Variants in MTOR observed in about 807,000 individuals in gnomAD.
MTOR encodes mechanistic target of rapamycin kinase.
In MTOR, 70 loss-of-function variants were observed where a neutral mutation model predicts 319.8. The ratio of observed to expected loss-of-function variants is 0.22; its 90% confidence interval spans 0.18 to 0.27. The LOEUF is 0.27. MTOR is among the 10% of genes least tolerant of loss of function. The probability of loss-of-function intolerance (pLI) is 1.00; values close to 1 mark genes in which losing one functional copy is unlikely to be tolerated. For missense variants in MTOR, 1,890 were observed against 3,274.4 expected, an observed-to-expected ratio of 0.58 and a Z score of 10.32; for synonymous variants, 1,183 against 1,211.4, an observed-to-expected ratio of 0.98 and a Z score of 0.49.
Position 11,199,194 on chromosome 1 carries a change from A to T in MTOR, c.4253+64T>A. Reference sequence around the variant, plus strand: ...CAAGTGACTCCAGTGAAGTGGCACCAGGCAGTGGGAGAAGAGAGGTCATTT... The same window carrying T: ...CAAGTGACTCCAGTGAAGTGGCACCTGGCAGTGGGAGAAGAGAGGTCATTT... On this transcript the variant is annotated intron_variant, in intron 28 of 57. Transcript: ENST00000361445. The surrounding 1 kb of genome is among the most constrained non-coding windows in gnomAD (Gnocchi z 4.5). 6.2e-7 allele frequency: 1 copy of T among 1,605,218 alleles called. No homozygotes were observed. Among genetic ancestry groups the T allele is most frequent in the African/African-American group, 1.3e-5 (1 of 74,836 alleles).
At position 11,197,168 on chromosome 1, in the gene MTOR, G is replaced by A. The variant is rs537541760; in HGVS notation, c.4253+2090C>T. On this transcript the variant is annotated intron_variant, in intron 28 of 57. Transcript: ENST00000361445. Reference sequence around the variant, plus strand: ...GGAATTCAATCCCTTACTGCAAAGCGATGTCTCCAAGGCCAGATCCAAGTA... The same window carrying A: ...GGAATTCAATCCCTTACTGCAAAGCAATGTCTCCAAGGCCAGATCCAAGTA... Among the ~76,000 whole-genome samples the A allele has an allele frequency of 5.9e-5, 9 of 152,248 alleles. No homozygotes were observed. In the East Asian group the frequency reaches 1.4e-3, roughly 23 times the overall value.
chr1:11,165,731 T>C (rs887543085), intron 29 of MTOR, among the ~76,000 whole-genome samples: 7 of 152,044 alleles, frequency 4.6e-5, no homozygotes, highest in Admixed American at 1.3e-4. Flanking sequence ...CTTCACAGAA[T>C]TGGAAAAAAC....
intron 29 of MTOR, among the ~76,000 whole-genome samples, chr1:11,161,326 C>T (rs950034084): frequency 2.0e-5 from 3 of 152,212 alleles, no homozygotes; most frequent in Admixed American, 1.3e-4. Flanking sequence ...CTCAAGGAGG[C>T]CTGCCTGCCT....
chr1:11,182,610 A>T (rs1645195037), intron 28 of MTOR, among the ~76,000 whole-genome samples: 1 of 152,198 alleles, frequency 6.6e-6, no homozygotes, highest in South Asian at 2.1e-4. Flanking sequence ...ACAGAACACA[A>T]CCAGCTGCCA....
intron 29 of MTOR, among the ~76,000 whole-genome samples, chr1:11,164,203 C>T (rs552371187): frequency 6.6e-5 from 10 of 151,690 alleles, no homozygotes; most frequent in Middle Eastern, 3.4e-3. Flanking sequence ...GGCTTGGTGG[C>T]GGGCGCCTGT....
At chr1:11,166,646 G>A (rs1418680877) in intron 29 of MTOR, among the ~76,000 whole-genome samples, 1 of 152,158 alleles carries the variant, frequency 6.6e-6, no homozygotes, top group Non-Finnish European at 1.5e-5. Context: ...ACTGTTGGTG[G>A]GACTGTAAAC....
Position 11,228,722 on chromosome 1 carries a change from C to G in MTOR, c.2976G>C (p.Gln992His), listed in dbSNP as rs368954451. Residue 992 changes from glutamine to histidine, a missense_variant, in exon 19 of 58, where the codon CAG becomes CAC. Physicochemically the swap from Gln to His is conservative, Grantham distance 24 (BLOSUM62 0). Around this residue, in one of 15 missense-constraint regions of MTOR, gnomAD observed 377 missense variants for 653.9 expected, o/e 0.58. Transcript: ENST00000361445. ...LGLKCVQFLP[Q>H]VMPTFLNVIR... is the part of the protein sequence containing the mutation. ...TGACGTTAAGGAACGTGGGCATGAC[C>G]TGGGGCAGGAACTGCACACATTTGA... 1.1e-5 allele frequency: 18 copies of G among 1,613,996 alleles called. No homozygotes were observed. Among genetic ancestry groups the G allele is most frequent in the Non-Finnish European group, 1.4e-5 (17 of 1,180,006 alleles).
intron 32 of MTOR, 140 bp downstream of exon 32, chr1:11,146,536 T>C (rs750578793): frequency 1.2e-4 from 78 of 670,382 alleles, no homozygotes; most frequent in Non-Finnish European, 1.9e-4. Flanking sequence ...GTACAATGAA[T>C]CAAAACCATT....
At chr1:11,248,906 T>C (rs1219861561) in intron 6 of MTOR, among the ~76,000 whole-genome samples, 1 of 152,156 alleles carries the variant, frequency 6.6e-6, no homozygotes, top group Non-Finnish European at 1.5e-5. Context: ...AACTCATGTC[T>C]ATTACCTTTA....
rs1036759003 is a variant in MTOR at position 11,213,404 on chromosome 1, T to C, written c.3280A>G (p.Ile1094Val). ...GGATGACGTAGGCTACTCACCTTGA[T>C]AGAGACAATGCGGCCTGGGCTGTTG... is the stretch of plus-strand genomic sequence containing the variant. ...HDNSPGRIVS[I>V]KLLAAIQLFG... Residue 1094 changes from isoleucine (I) to valine (V), a missense_variant, in exon 21 of 58, where the codon ATC becomes GTC. Physicochemically the swap from Ile to Val is conservative, Grantham distance 29 (BLOSUM62 3). Around this residue, in one of 15 missense-constraint regions of MTOR, gnomAD observed 377 missense variants for 653.9 expected, o/e 0.58. Coordinates refer to ENST00000361445, the MANE Select transcript of MTOR (RefSeq NM_004958.4). 2.5e-6 allele frequency: 4 copies of C among 1,611,882 alleles called. No individual in the cohort carries two copies. The highest frequency in any genetic ancestry group is 2.2e-5 in the East Asian group (1 of 44,856).
chr1:11,240,347 C>T lies in MTOR; in HGVS notation c.1742G>A (p.Ser581Asn), dbSNP rs1060501910. The change falls in exon 11 of 58, where the codon AGC (serine) becomes AAC (asparagine). Residue 581 changes from serine to asparagine, a missense_variant. Physicochemically the swap from Ser to Asn is conservative, Grantham distance 46. Transcript: ENST00000361445. ...AAGCGTTCGGAGGGCAAGAGTGATG[C>T]TGCCCACATCGCTGGCCTCAGGGAG... is the stretch of plus-strand genomic sequence containing the variant. ...TTLPEASDVG[S>N]ITLALRTLGS... 6.2e-7 allele frequency: 1 copy of T among 1,610,404 alleles called. No individual in the cohort carries two copies. The highest frequency in any genetic ancestry group is 1.7e-5 in the Admixed American group (1 of 59,266).
chr1:11,140,358 T>G (rs573129385), intron 34 of MTOR, among the ~76,000 whole-genome samples: 2 of 151,928 alleles, frequency 1.3e-5, no homozygotes, highest in African/African-American at 4.8e-5. Context: ...GGCATTAGAT[T>G]CTCATAAGGA....
At chr1:11,232,285 C>T (rs1647044743) in intron 16 of MTOR, 151 bp downstream of exon 16, 3 of 541,026 alleles carry the variant, frequency 5.5e-6, no homozygotes. Flanking sequence ...ATCTTTCTAA[C>T]TTTTACTCAT....
chr1:11,245,065 T>C (rs1648638827), intron 8 of MTOR, among the ~76,000 whole-genome samples: 1 of 152,328 alleles, frequency 6.6e-6, no homozygotes, highest in East Asian at 1.9e-4. Context: ...CTGGAAATCA[T>C]TTTGCTATTA....
rs779271837 is a variant in MTOR at position 11,210,425 on chromosome 1, G to A, written c.3654+389C>T. Among the ~76,000 whole-genome samples, 43 of 152,188 alleles carry A rather than the reference G, an allele frequency of 2.8e-4. 1 individual carries two copies. Among genetic ancestry groups the A allele is most frequent in the Non-Finnish European group, 5.9e-5 (4 of 68,042 alleles). ...TTGGCCTCCCAAGGCGGGAGCCACC[G>A]CACCCAGCCCTCTGCCTGTTTTTAT... On this transcript the variant is annotated intron_variant, in intron 24 of 57. Coordinates refer to ENST00000361445, the MANE Select transcript of MTOR (RefSeq NM_004958.4).
intron 49 of MTOR, among the ~76,000 whole-genome samples, chr1:11,120,527 A>G (rs1642466406): frequency 6.6e-6 from 1 of 151,656 alleles, no homozygotes; most frequent in Non-Finnish European, 1.5e-5. Flanking sequence ...GGGGAAAAAA[A>G]AAAAAAAAGA....
Position 11,237,941 on chromosome 1 carries a change from C to T in MTOR, c.2110G>A (p.Val704Met), listed in dbSNP as rs775657387. Residue 704 changes from valine to methionine, a missense_variant, in exon 13 of 58, where the codon GTG (valine) becomes ATG (methionine). By Grantham distance (21) the Val-to-Met change is conservative. Transcript: ENST00000361445. ...QALFVALNDQ[V>M]FEIRELAICT... ...ATGGCCAGCTCCCGGATCTCAAACA[C>T]CTGGTCATTCAGAGCCACAAACAAG... 1.9e-6 allele frequency: 3 copies of T among 1,614,200 alleles called. No individual in the cohort carries two copies. The South Asian group carries it at 3.3e-5, about 18-fold the overall frequency.
chr1:11,235,445 T>C (rs1345002714), intron 13 of MTOR, among the ~76,000 whole-genome samples: 3 of 151,854 alleles, frequency 2.0e-5, no homozygotes, highest in Non-Finnish European at 2.9e-5. Flanking sequence ...GATCCCACCA[T>C]TGCACTCTAA....
At position 11,154,547 on chromosome 1, in the gene MTOR, G is replaced by A. The variant is rs184855912; in HGVS notation, c.4469+2605C>T. ...TCTATATATATATATATGATCCAAT[G>A]CCTAAGGCTAAGTTCACTAACATTA... On this transcript the variant is annotated intron_variant, in intron 30 of 57. Coordinates refer to ENST00000361445, the MANE Select transcript of MTOR (RefSeq NM_004958.4). Among the ~76,000 whole-genome samples the A allele has an allele frequency of 3.0e-3, 457 of 151,974 alleles. 3 individuals are homozygous for A. The highest frequency in any genetic ancestry group is 5.2e-3 in the Non-Finnish European group (355 of 67,972).
Sources: gnomAD v4.1 joint callset for allele counts (sites outside exome capture counted in the v4.1 genomes callset) on GRCh38, gnomAD v4.1.1 for gene constraint, gnomAD v4.1.1 regional missense constraint, Gnocchi (gnomAD v3.1) non-coding constraint, MANE v1.5 for transcripts, NCBI Gene and HGNC (gene_info 2026-07-23, HGNC 2026-07-21) for gene names.